Variants in MAGI1 observed in about 807,000 individuals in gnomAD.
The protein encoded by MAGI1 is membrane-associated guanylate kinase, WW and PDZ domain-containing protein 1.
A neutral mutation model predicts 139.9 loss-of-function variants in MAGI1; 58 were observed. The observed-to-expected ratio is 0.41, with a 90% confidence interval of 0.34 to 0.52. The LOEUF (loss-of-function observed/expected upper bound fraction) is 0.52, where lower values mean the gene tolerates loss of function less well. Ranked by LOEUF, MAGI1 falls within the 20% of genes least tolerant of loss-of-function variation. The pLI is 0.12. For synonymous variants in MAGI1, 812 were observed against 737.9 expected, an observed-to-expected ratio of 1.10 and a Z score of -1.63; for missense variants, 1,874 against 1,901.6, an observed-to-expected ratio of 0.99 and a Z score of 0.27.
chr3:65,833,518 GAA>G (rs1276213430), intron 1 of MAGI1, among the ~76,000 whole-genome samples: 1 of 152,152 alleles, frequency 6.6e-6, no homozygotes, highest in East Asian at 1.9e-4. Context: ...ATTCAAAACA[GAA>G]AGACTGAAGA....
intron 4 of MAGI1, among the ~76,000 whole-genome samples, chr3:65,475,619 T>C (rs74505627): frequency 0.012 from 1,874 of 152,268 alleles, 39 homozygotes; most frequent in African/African-American, 0.042. Context: ...TAAGCCCACA[T>C]AGGAAGTGTT....
At chr3:65,894,164 A>G (rs1213653071) in intron 1 of MAGI1, among the ~76,000 whole-genome samples, 1 of 152,196 alleles carries the variant, frequency 6.6e-6, no homozygotes, top group African/African-American at 2.4e-5. Flanking sequence ...AAAGAATCTC[A>G]AAGTTGTAAG....
At chr3:65,724,577 C>T (rs557448106) in intron 1 of MAGI1, among the ~76,000 whole-genome samples, 9 of 152,166 alleles carry the variant, frequency 5.9e-5, no homozygotes, top group Non-Finnish European at 1.2e-4. Context: ...CCGACACATA[C>T]TAGGTGCTCA....
At chr3:65,762,249 G>A (rs1322045711) in intron 1 of MAGI1, among the ~76,000 whole-genome samples, 1 of 152,082 alleles carries the variant, frequency 6.6e-6, no homozygotes, top group Non-Finnish European at 1.5e-5. Flanking sequence ...CCTGAAGTGG[G>A]TCCCACTAAC....
intron 2 of MAGI1, among the ~76,000 whole-genome samples, chr3:65,503,459 C>T (rs568168076): frequency 6.6e-6 from 1 of 152,160 alleles, no homozygotes. Context: ...TAACAAAGGT[C>T]AGAAACAGGA....
intron 1 of MAGI1, chr3:65,687,581 C>G (rs1385114872): frequency 2.1e-5 from 8 of 385,894 alleles, no homozygotes; most frequent in Non-Finnish European, 3.7e-5. Context: ...CCAGGGACAT[C>G]TGAAGTGCAA....
rs74440984 is a variant in MAGI1 at position 65,470,174 on chromosome 3, G to C, written c.959+109C>G. Reference sequence around the variant, plus strand: ...TAAACCTTATTAAAAAATACCATCAGTGGGTGATCAATCCCTTAAATGTAA... The same window carrying C: ...TAAACCTTATTAAAAAATACCATCACTGGGTGATCAATCCCTTAAATGTAA... On this transcript the variant is annotated intron_variant, in intron 5 of 22. Coordinates refer to ENST00000402939, the MANE Select transcript of MAGI1 (RefSeq NM_001033057.2). 3,126 of 688,566 alleles carry C rather than the reference G, an allele frequency of 4.5e-3. 74 individuals carry two copies. The African/African-American group carries it at 0.049, about 11-fold the overall frequency. The allele number at this position is 688,566 out of a possible 1,614,324, so 42.7% of individuals were successfully genotyped here.
At chr3:65,453,374 T>C (rs761381071) in intron 5 of MAGI1, 34 bp from the exon 6 acceptor site, 2 of 1,395,724 alleles carry the variant, frequency 1.4e-6, no homozygotes, top group South Asian at 2.5e-5. Flanking sequence ...GAAATTTGTT[T>C]GAAAAAAAAA....
chr3:65,936,352 T>G (rs2063048389), intron 1 of MAGI1, among the ~76,000 whole-genome samples: 1 of 152,002 alleles, frequency 6.6e-6, no homozygotes, highest in Admixed American at 6.6e-5. Context: ...AATTCCTAGG[T>G]AGTGACCAGG....
intron 1 of MAGI1, among the ~76,000 whole-genome samples, chr3:65,728,762 A>AAC (rs1365470754): frequency 6.6e-6 from 1 of 152,156 alleles, no homozygotes; most frequent in East Asian, 1.9e-4. Flanking sequence ...CACTATTCTT[A>AAC]ACACTTTTTT....
intron 2 of MAGI1, among the ~76,000 whole-genome samples, chr3:65,621,359 T>C (rs2083657814): frequency 6.6e-6 from 1 of 152,242 alleles, no homozygotes; most frequent in Admixed American, 6.5e-5. Context: ...AGCATTCCTA[T>C]GTTCTGTGTC....
chr3:65,365,271 G>A (rs957806295), intron 18 of MAGI1: 2 of 521,082 alleles, frequency 3.8e-6, no homozygotes, highest in African/African-American at 1.9e-5. Context: ...AAAAAAGGCA[G>A]TCCCATCAAA....
At chr3:65,647,751 C>A (rs984898500) in intron 1 of MAGI1, among the ~76,000 whole-genome samples, 3 of 152,058 alleles carry the variant, frequency 2.0e-5, no homozygotes, top group African/African-American at 7.2e-5. Context: ...AAGTTCCATT[C>A]TTTATGTGAA....
chr3:65,737,831 A>C (rs929695946), intron 1 of MAGI1, among the ~76,000 whole-genome samples: 1 of 152,144 alleles, frequency 6.6e-6, no homozygotes, highest in Non-Finnish European at 1.5e-5. Context: ...TGAAGATGGA[A>C]GCCTGAAGTT....
At chr3:65,778,499 T>G (rs189550113) in intron 1 of MAGI1, among the ~76,000 whole-genome samples, 30 of 151,624 alleles carry the variant, frequency 2.0e-4, no homozygotes, top group Non-Finnish European at 3.4e-4. Context: ...AAGATAACAT[T>G]TGTTGAATAT....
chr3:65,619,995 C>G, intron 2 of MAGI1: 1 of 985,316 alleles, frequency 1.0e-6, no homozygotes, highest in Non-Finnish European at 1.2e-6. Context: ...AGACAGAGTT[C>G]GTTTTTGCCC....
intron 1 of MAGI1, among the ~76,000 whole-genome samples, chr3:65,966,081 T>C (rs2064725655): frequency 6.6e-6 from 1 of 152,188 alleles, no homozygotes; most frequent in Non-Finnish European, 1.5e-5. Context: ...ATGTATGAGA[T>C]AGAGTCAGTA....
chr3:65,844,542 T>C, intron 1 of MAGI1: 1 of 211,918 alleles, frequency 4.7e-6, no homozygotes, highest in Non-Finnish European at 9.3e-6. Context: ...AGTTTTAACA[T>C]ATTGAAAGCT....
intron 1 of MAGI1, among the ~76,000 whole-genome samples, chr3:65,640,749 G>A (rs765472027): frequency 2.0e-5 from 3 of 152,190 alleles, no homozygotes; most frequent in East Asian, 1.9e-4. Flanking sequence ...GTATTTACCC[G>A]AATCCTAAAA....
Sources: gnomAD v4.1 joint callset for allele counts (sites outside exome capture counted in the v4.1 genomes callset) on GRCh38, gnomAD v4.1.1 for gene constraint, MANE v1.5 for transcripts, NCBI Gene and HGNC (gene_info 2026-07-23, HGNC 2026-07-21) for gene names.